Variants in RAD51B observed in about 807,000 individuals in gnomAD.
The protein encoded by RAD51B is DNA repair protein RAD51 homolog 2.
Under a neutral mutation model 42.2 loss-of-function variants are expected in RAD51B, and 38 were observed. The observed-to-expected ratio is 0.90, with a 90% CI of 0.70 to 1.18. The LOEUF (loss-of-function observed/expected upper bound fraction) is 1.18. RAD51B is among the 50% of genes most tolerant of loss of function. RAD51B has a pLI of 0.00. For missense variants in RAD51B, 373 were observed against 400.7 expected, an observed-to-expected ratio of 0.93 and a Z score of 0.59; for synonymous variants, 154 against 145.2, an observed-to-expected ratio of 1.06 and a Z score of -0.43.
intron 7 of RAD51B, among the ~76,000 whole-genome samples, chr14:68,207,881 A>T (rs1029112732): frequency 2.6e-5 from 4 of 152,200 alleles, no homozygotes; most frequent in African/African-American, 9.7e-5. Context: ...TTAAATAACA[A>T]GTCAGCTCAC....
chr14:68,009,118 GT>G (rs1354439784), intron 7 of RAD51B, among the ~76,000 whole-genome samples: 2 of 151,956 alleles, frequency 1.3e-5, no homozygotes, highest in African/African-American at 2.4e-5. Context: ...TTGTAATGGA[GT>G]TTTAATATTA....
chr14:68,274,109 A>T (rs577339989), intron 7 of RAD51B, among the ~76,000 whole-genome samples: 2 of 152,078 alleles, frequency 1.3e-5, no homozygotes, highest in Non-Finnish European at 1.5e-5. Context: ...TCTAACTGAT[A>T]TGCTTGAATT....
At chr14:67,930,883 A>C (rs1595125059) in intron 7 of RAD51B, among the ~76,000 whole-genome samples, 1 of 138,800 alleles carries the variant, frequency 7.2e-6, no homozygotes, top group East Asian at 2.1e-4. Context: ...TTTATTCTTT[A>C]TTCAATTTTT....
chr14:68,300,090 G>A (rs1465371851), intron 8 of RAD51B, among the ~76,000 whole-genome samples: 1 of 152,144 alleles, frequency 6.6e-6, no homozygotes, highest in Admixed American at 6.5e-5. Flanking sequence ...TCCTTTTGAA[G>A]GGAGGTAAAT....
intron 7 of RAD51B, among the ~76,000 whole-genome samples, chr14:68,208,676 G>A (rs2140940292): frequency 6.6e-6 from 1 of 152,326 alleles, no homozygotes; most frequent in East Asian, 1.9e-4. Context: ...AAGGCTCAGA[G>A]AGATAAAATG....
intron 11 of RAD51B, among the ~76,000 whole-genome samples, chr14:68,661,368 C>T (rs11846143): frequency 0.29 from 44,368 of 152,056 alleles, 7,118 homozygotes; most frequent in African/African-American, 0.4. Flanking sequence ...TTGCTGCACG[C>T]GCTGGAATCC....
Position 68,030,616 on chromosome 14 carries a change from G to A in RAD51B, c.756+143412G>A, listed in dbSNP as rs2076026556. Reference sequence around the variant, plus strand: ...AGTGTTGTGGCTGGTTTCATCCTCTGTCAGATCACCAAAACTCTCCATATC... The same window carrying A: ...AGTGTTGTGGCTGGTTTCATCCTCTATCAGATCACCAAAACTCTCCATATC... On this transcript the variant is annotated intron_variant, in intron 7 of 10. Coordinates refer to ENST00000471583, the MANE Select transcript of RAD51B (RefSeq NM_133510.4). Among the ~76,000 whole-genome samples, 3 of 152,126 alleles carry A rather than the reference G, an allele frequency of 2.0e-5. No homozygotes were observed. In the South Asian group the frequency reaches 6.2e-4, roughly 32 times the overall value.
At chr14:67,952,707 AG>A in intron 7 of RAD51B, among the ~76,000 whole-genome samples, 1 of 151,902 alleles carries the variant, frequency 6.6e-6, no homozygotes, top group Non-Finnish European at 1.5e-5. Context: ...TAGGAGGGGG[AG>A]GAAAAGGAGA....
intron 7 of RAD51B, among the ~76,000 whole-genome samples, chr14:68,060,616 G>T (rs867976854): frequency 2.0e-5 from 3 of 152,088 alleles, no homozygotes; most frequent in Non-Finnish European, 4.4e-5. Flanking sequence ...TGAAATTTTC[G>T]TCCAACTTTC....
chr14:68,209,781 G>A (rs1336262253), intron 7 of RAD51B, among the ~76,000 whole-genome samples: 1 of 152,108 alleles, frequency 6.6e-6, no homozygotes, highest in African/African-American at 2.4e-5. Flanking sequence ...AGAAATTTTA[G>A]TGATAATTCT....
chr14:67,865,459 A>G (rs1454187338), intron 5 of RAD51B, among the ~76,000 whole-genome samples: 1 of 149,748 alleles, frequency 6.7e-6, no homozygotes, highest in Non-Finnish European at 1.5e-5. Flanking sequence ...CTGGTATTGA[A>G]CTTCTGGCCT....
At chr14:68,430,829 A>G (rs568548972) in intron 9 of RAD51B, among the ~76,000 whole-genome samples, 49 of 152,098 alleles carry the variant, frequency 3.2e-4, no homozygotes, top group African/African-American at 9.9e-4. Context: ...GTCTTGTGCC[A>G]GTTTTCAAAG....
rs560008694 is a variant in RAD51B, at chr14:68,004,250, G to A, written c.756+117046G>A. Reference sequence around the variant, plus strand: ...CGGGACGCTGAGGCAGGAGAACGGCGTGAACCCGGGAGGTGGAGGTTGCAG... The same window carrying A: ...CGGGACGCTGAGGCAGGAGAACGGCATGAACCCGGGAGGTGGAGGTTGCAG... On this transcript the variant is annotated intron_variant, in intron 7 of 10. Transcript: ENST00000471583. Among the ~76,000 whole-genome samples, 23 of 149,882 alleles carry A rather than the reference G, an allele frequency of 1.5e-4. No individual in the cohort carries two copies. In the East Asian group the frequency reaches 3.5e-3, roughly 23 times the overall value.
At chr14:68,393,313 C>T (rs2083813559) in intron 8 of RAD51B, among the ~76,000 whole-genome samples, 1 of 152,198 alleles carries the variant, frequency 6.6e-6, no homozygotes. Flanking sequence ...CCAGTTTCTT[C>T]AGTGCACCGT....
chr14:68,118,457 A>G (rs1377089441), intron 7 of RAD51B, among the ~76,000 whole-genome samples: 1 of 152,242 alleles, frequency 6.6e-6, no homozygotes, highest in East Asian at 1.9e-4. Context: ...ACCAAAAGGA[A>G]GAAAGAGCCA....
At chr14:68,630,841 G>C (rs1425384865) in intron 10 of RAD51B, among the ~76,000 whole-genome samples, 1 of 152,158 alleles carries the variant, frequency 6.6e-6, no homozygotes, top group South Asian at 2.1e-4. Context: ...GCCATCACGT[G>C]GTAATACTGC....
chr14:68,579,888 G>A (rs143728374), intron 10 of RAD51B, among the ~76,000 whole-genome samples: 410 of 152,364 alleles, frequency 2.7e-3, no homozygotes, highest in African/African-American at 9.5e-3. Flanking sequence ...GAGACTCAGT[G>A]TGGCAGATGC....
At chr14:67,964,137 CT>C (rs1156354441) in intron 7 of RAD51B, among the ~76,000 whole-genome samples, 3 of 151,750 alleles carry the variant, frequency 2.0e-5, no homozygotes, top group Non-Finnish European at 2.9e-5. Context: ...TTTTATTGTA[CT>C]CATGTCACAT....
Position 68,580,887 on chromosome 14 carries a change from C to T in RAD51B, c.1037-13598C>T, listed in dbSNP as rs559713414. Among the ~76,000 whole-genome samples the T allele has an allele frequency of 3.7e-4, 56 of 152,272 alleles. 1 individual carries two copies. The highest frequency in any genetic ancestry group is 3.3e-3 in the Admixed American group (51 of 15,302). ...AGGCCATTTCCACACGGGGCGGGGA[C>T]GTGGCAGCTGTGCTTTGGCGGTCAT... On this transcript the variant is annotated intron_variant, in intron 10 of 10. Transcript: ENST00000487270.
Sources: allele counts gnomAD v4.1 joint callset (sites outside exome capture counted in the v4.1 genomes callset), GRCh38; gene constraint gnomAD v4.1.1; transcripts MANE v1.5; gene names NCBI Gene and HGNC (gene_info 2026-07-23, HGNC 2026-07-21).